The following SPATA13 variants were observed in gnomAD, a reference collection of about 807,000 sequenced individuals.
SPATA13 encodes the protein spermatogenesis associated 13.
SPATA13 carries 50 observed loss-of-function variants against 104.0 expected under a neutral mutation model. That is an observed-to-expected ratio of 0.48 (90% CI 0.38 to 0.61). The LOEUF is 0.61. Among genes scored for constraint, SPATA13 ranks in the 20% least tolerant of loss-of-function variants. SPATA13 has a pLI of 0.00. For synonymous variants in SPATA13, 606 were observed against 667.5 expected (o/e 0.91, Z 1.42); for missense variants, 1,524 against 1,690.6 (o/e 0.90, Z 1.73).
At chr13:24,297,024 GTTGT>G (rs980090190) in intron 10 of SPATA13, among the ~76,000 whole-genome samples, 10 of 151,680 alleles carry the variant, frequency 6.6e-5, no homozygotes, top group African/African-American at 1.2e-4. Flanking sequence ...TGTTGTTGTT[GTTGT>G]TTGTTTGTTT....
intron 2 of SPATA13, among the ~76,000 whole-genome samples, chr13:24,227,628 T>C (rs1872019865): frequency 6.6e-6 from 1 of 152,178 alleles, no homozygotes; most frequent in African/African-American, 2.4e-5. Context: ...TGGAATGCAG[T>C]GGTGCGATCT....
chr13:24,255,348 G>A (rs529786002), intron 4 of SPATA13, among the ~76,000 whole-genome samples: 1 of 152,270 alleles, frequency 6.6e-6, no homozygotes, highest in East Asian at 1.9e-4. Flanking sequence ...TGTCTTCTCT[G>A]TCATGGTGGC....
chr13:24,294,264 C>T (rs993195323), intron 9 of SPATA13, among the ~76,000 whole-genome samples: 2 of 152,184 alleles, frequency 1.3e-5, no homozygotes, highest in Non-Finnish European at 2.9e-5. Flanking sequence ...ACTTCAGGTG[C>T]CTGTCCTCTC....
chr13:24,010,961 AC>A (rs1479354245), intron 2 of SPATA13, among the ~76,000 whole-genome samples: 5 of 151,068 alleles, frequency 3.3e-5, no homozygotes, highest in Non-Finnish European at 7.4e-5. Flanking sequence ...GGGGATGGAG[AC>A]CCCTCGGATT....
intron 1 of SPATA13, among the ~76,000 whole-genome samples, chr13:24,209,734 G>A (rs1870909142): frequency 6.6e-6 from 1 of 152,182 alleles, no homozygotes; most frequent in South Asian, 2.1e-4. Flanking sequence ...ACAAGGGGGT[G>A]TAGACGTCTT....
intron 1 of SPATA13, among the ~76,000 whole-genome samples, chr13:24,179,017 A>G (rs1424848304): frequency 6.6e-6 from 1 of 152,338 alleles, no homozygotes; most frequent in South Asian, 2.1e-4. Flanking sequence ...ATTTCAATAA[A>G]TGATTCATAC....
intron 3 of SPATA13, among the ~76,000 whole-genome samples, chr13:24,049,458 G>A (rs1536199): frequency 0.98 from 149,146 of 152,246 alleles, 73,128 homozygotes; most frequent in East Asian, 1. Context: ...GTGTGAGTAC[G>A]CTCCGTGTTG....
intron 3 of SPATA13, among the ~76,000 whole-genome samples, chr13:24,095,387 G>A (rs1021881400): frequency 4.6e-5 from 7 of 152,116 alleles, no homozygotes; most frequent in African/African-American, 1.7e-4. Context: ...ATAGGAAATA[G>A]AAGGGTGGTT....
chr13:24,196,552 T>C (rs1870067611), intron 1 of SPATA13, among the ~76,000 whole-genome samples: 1 of 152,124 alleles, frequency 6.6e-6, no homozygotes, highest in South Asian at 2.1e-4. Context: ...CTGGGAAATA[T>C]AGTGAGACCC....
chr13:24,032,760 C>T (rs1456966959), intron 3 of SPATA13, among the ~76,000 whole-genome samples: 1 of 152,166 alleles, frequency 6.6e-6, no homozygotes, highest in African/African-American at 2.4e-5. Flanking sequence ...ATGAGTAAAC[C>T]TAAATGTGCT....
chr13:24,110,639 G>A (rs1202620334), intron 3 of SPATA13, among the ~76,000 whole-genome samples: 1 of 152,218 alleles, frequency 6.6e-6, no homozygotes, highest in East Asian at 1.9e-4. Flanking sequence ...CCATGGGCCA[G>A]ACACTGGGCT....
At chr13:24,208,809 C>T (rs535046189) in intron 1 of SPATA13, among the ~76,000 whole-genome samples, 1 of 152,288 alleles carries the variant, frequency 6.6e-6, no homozygotes, top group East Asian at 1.9e-4. Flanking sequence ...AAAGTTTCAG[C>T]TTCTTCAGAA....
At chr13:24,188,911 T>G (rs1461578521) in intron 1 of SPATA13, among the ~76,000 whole-genome samples, 2 of 152,190 alleles carry the variant, frequency 1.3e-5, no homozygotes, top group Non-Finnish European at 2.9e-5. Flanking sequence ...AGAATTATGC[T>G]AAATCTACTC....
At chr13:24,233,336 C>T (rs943423018) in intron 2 of SPATA13, among the ~76,000 whole-genome samples, 17 of 152,124 alleles carry the variant, frequency 1.1e-4, no homozygotes, top group Admixed American at 2.6e-4. Flanking sequence ...TATGATATTT[C>T]CTAAATAGTA....
rs1187388143 is a variant in SPATA13 at position 24,286,055 on chromosome 13, CT to C, written c.2302-156del. On this transcript the variant is annotated intron_variant, in intron 5 of 12. Transcript: ENST00000382108. The surrounding 1 kb of genome is among the most constrained non-coding windows in gnomAD (Gnocchi z 4.9). Reference sequence around the variant, plus strand: ...TTCTTAGTCTGTTCTCCTGGGTTCTCTTTGTGTAACCAGTCACATAGTCAGT... The same window carrying C: ...TTCTTAGTCTGTTCTCCTGGGTTCTCTTGTGTAACCAGTCACATAGTCAGT... Among the ~76,000 whole-genome samples the C allele has an allele frequency of 1.3e-5, 2 of 152,194 alleles. No individual in the cohort carries two copies. Among genetic ancestry groups the C allele is most frequent in the African/African-American group, 4.8e-5 (2 of 41,444 alleles).
chr13:24,011,738 G>T lies in SPATA13; in HGVS notation c.-146-5929G>T, dbSNP rs1052662083. Reference sequence around the variant, plus strand: ...TCTCCAACATCCTTCCTGGCAGGGGGCATGCAGAGAACATAGTCTTCAGCT... The same window carrying T: ...TCTCCAACATCCTTCCTGGCAGGGGTCATGCAGAGAACATAGTCTTCAGCT... On this transcript the variant is annotated intron_variant, in intron 2 of 14. Transcript: ENST00000424834. The surrounding 1 kb of genome is among the most constrained non-coding windows in gnomAD (Gnocchi z 4.3). Among the ~76,000 whole-genome samples, 1 of 152,208 alleles carries T rather than the reference G, an allele frequency of 6.6e-6. No homozygotes were observed. Among genetic ancestry groups the T allele is most frequent in the Non-Finnish European group, 1.5e-5 (1 of 68,046 alleles).
chr13:24,121,418 A>G (rs567799553), intron 3 of SPATA13, among the ~76,000 whole-genome samples: 3 of 152,318 alleles, frequency 2.0e-5, no homozygotes, highest in Admixed American at 2.0e-4. Flanking sequence ...TTGCTATTTT[A>G]TACATAGGCT....
chr13:24,083,335 A>C (rs1218520402), intron 3 of SPATA13, among the ~76,000 whole-genome samples: 3 of 152,208 alleles, frequency 2.0e-5, no homozygotes, highest in Non-Finnish European at 4.4e-5. Context: ...TGCCCCGCCC[A>C]CAGGAGTCCA....
rs1409834326 is a variant in SPATA13, at chr13:24,289,070, CATTGAAG to C, written c.2742_2748del (p.Glu915PhefsTer9). On this transcript the variant is annotated frameshift_variant, in exon 8 of 13. Transcript: ENST00000382108. LOFTEE classifies it high-confidence loss of function. ...CGCAGCTAGCCACTATTTTTGGAAA[CATTGAAG>C]ATATTTACAAATTCCAAAGAAAGTT... 6.2e-7 allele frequency: 1 copy of C among 1,613,760 alleles called. No individual in the cohort carries two copies. Among genetic ancestry groups the C allele is most frequent in the Non-Finnish European group, 8.5e-7 (1 of 1,179,954 alleles).
Sources: allele counts gnomAD v4.1 joint callset (sites outside exome capture counted in the v4.1 genomes callset), GRCh38; gene constraint gnomAD v4.1.1; non-coding constraint Gnocchi (gnomAD v3.1); transcripts MANE v1.5; gene names NCBI Gene and HGNC (gene_info 2026-07-23, HGNC 2026-07-21).